KCNQ1: variants seen among roughly 807,000 people sequenced by gnomAD.
KCNQ1 encodes potassium voltage-gated channel subfamily Q member 1.
KCNQ1 carries 49 observed loss-of-function variants against 72.4 expected under a neutral mutation model. That is an observed-to-expected ratio of 0.68 (90% CI 0.54 to 0.86). The LOEUF is 0.86. Ranked by LOEUF, KCNQ1 falls within the 40% of genes least tolerant of loss-of-function variation. The pLI is 0.00. For synonymous variants in KCNQ1, 450 were observed against 412.6 expected (o/e 1.09, Z -1.10); for missense variants, 790 against 945.1 (o/e 0.84, Z 2.15).
chr11:2,530,809 T>G (rs374541615), intron 2 of KCNQ1, among the ~76,000 whole-genome samples: 7 of 152,176 alleles, frequency 4.6e-5, no homozygotes, highest in Non-Finnish European at 1.0e-4. Flanking sequence ...TGCATGGCTG[T>G]GTTGTGTGTA....
chr11:2,777,679 T>C (rs996074103), intron 14 of KCNQ1: 7 of 597,134 alleles, frequency 1.2e-5, no homozygotes, highest in Non-Finnish European at 1.8e-5. Flanking sequence ...TGGAATGGCA[T>C]GGGCTTGCAC....
Position 2,541,363 on chromosome 11 carries a change from G to A in KCNQ1, c.477+13345G>A, listed in dbSNP as rs535649421. ...TGGGGAACCTGGGGGAAGGGCGGGC[G>A]TCTTTATTTCATTTTAGCTTTCTTT... is the stretch of plus-strand genomic sequence containing the variant. On this transcript the variant is annotated intron_variant, in intron 2 of 15. Transcript: ENST00000155840. This position sits in a 1 kb window ranked among gnomAD's most constrained non-coding sequence, Gnocchi z 4.8. Among the ~76,000 whole-genome samples the A allele has an allele frequency of 2.0e-5, 3 of 152,306 alleles. No homozygotes were observed. The highest frequency in any genetic ancestry group is 2.1e-4 in the South Asian group (1 of 4,826).
chr11:2,555,974 C>G (rs1314595275), intron 2 of KCNQ1, among the ~76,000 whole-genome samples: 1 of 152,208 alleles, frequency 6.6e-6, no homozygotes, highest in African/African-American at 2.4e-5. Flanking sequence ...TCTGGCCTGG[C>G]CTTGCTGATG....
At chr11:2,714,738 G>A (rs936647146) in intron 11 of KCNQ1, among the ~76,000 whole-genome samples, 5 of 152,170 alleles carry the variant, frequency 3.3e-5, no homozygotes, top group East Asian at 1.9e-4. Flanking sequence ...CCTTGGGGCC[G>A]GGGTGGTAGG....
chr11:2,756,950 TTAAA>T (rs1846309761), intron 11 of KCNQ1, among the ~76,000 whole-genome samples: 1 of 32,112 alleles, frequency 3.1e-5, no homozygotes. Flanking sequence ...CAAGAGCATC[TTAAA>T]AAAAAAAAAA....
Position 2,715,952 on chromosome 11 carries a change from C to G in KCNQ1, c.1515-52892C>G, listed in dbSNP as rs1483756290. On this transcript the variant is annotated intron_variant, in intron 11 of 15. Transcript: ENST00000155840. This position sits in a 1 kb window ranked among gnomAD's most constrained non-coding sequence, Gnocchi z 4.9. ...GTGATGCAAACCATAAACCTGTCCC[C>G]CACGTCACCTCCAAACCCTTTGGGC... Among the ~76,000 whole-genome samples the G allele has an allele frequency of 1.3e-5, 2 of 151,874 alleles. No homozygotes were observed. Among genetic ancestry groups the G allele is most frequent in the Non-Finnish European group, 2.9e-5 (2 of 68,030 alleles).
intron 11 of KCNQ1, among the ~76,000 whole-genome samples, chr11:2,700,219 C>T (rs977262341): frequency 2.6e-5 from 4 of 151,976 alleles, no homozygotes; most frequent in African/African-American, 4.8e-5. Flanking sequence ...CCGCATGAGG[C>T]ACTGGCTGGG....
chr11:2,708,064 A>G (rs79219477), intron 11 of KCNQ1, among the ~76,000 whole-genome samples: 2,153 of 152,316 alleles, frequency 0.014, 49 homozygotes, highest in African/African-American at 0.049. Flanking sequence ...CTGTTTCCCA[A>G]GATTTCCCAA....
Position 2,682,547 on chromosome 11 carries a change from G to C in KCNQ1, c.1514+20466G>C. 1 of 398,540 alleles carries C rather than the reference G, an allele frequency of 2.5e-6. No individual in the cohort carries two copies. Among genetic ancestry groups the C allele is most frequent in the East Asian group, 3.6e-5 (1 of 28,058 alleles). 24.7% of individuals were successfully genotyped at this position (398,540 alleles called of 1,614,324 possible). On this transcript the variant is annotated intron_variant, in intron 11 of 15. Transcript: ENST00000155840. The surrounding 1 kb of genome is among the most constrained non-coding windows in gnomAD (Gnocchi z 5.8). ...CAAACCAGGTGCTAGGACCCTGGCA[G>C]GGGTTCCATAAGGCTATGCTGGGGT...
chr11:2,477,378 G>A lies in KCNQ1; in HGVS notation c.386+31894G>A, dbSNP rs1282563396. Reference sequence around the variant, plus strand: ...TCTGGAAAAGCCTCCAGCCCACGGTGACCTAGGTTCTTCCCACCATTGAAT... The same window carrying A: ...TCTGGAAAAGCCTCCAGCCCACGGTAACCTAGGTTCTTCCCACCATTGAAT... On this transcript the variant is annotated intron_variant, in intron 1 of 15. Transcript: ENST00000155840. This position sits in a 1 kb window ranked among gnomAD's most constrained non-coding sequence, Gnocchi z 5.0. Among the ~76,000 whole-genome samples the A allele has an allele frequency of 6.6e-6, 1 of 152,220 alleles. No individual in the cohort carries two copies.
intron 1 of KCNQ1, among the ~76,000 whole-genome samples, chr11:2,474,095 T>G (rs1191446837): frequency 6.8e-6 from 1 of 147,386 alleles, no homozygotes; most frequent in African/African-American, 2.6e-5. Flanking sequence ...TGTGGAGTGG[T>G]TTTTTGTCTT....
chr11:2,819,547 G>T (rs1431454341), intron 15 of KCNQ1, among the ~76,000 whole-genome samples: 1 of 152,230 alleles, frequency 6.6e-6, no homozygotes, highest in African/African-American at 2.4e-5. Context: ...TCCAGCTGCT[G>T]ATGCATTTTT....
rs370075215 is a variant in KCNQ1, at chr11:2,752,759, G to A, written c.1515-16085G>A. Among the ~76,000 whole-genome samples, 1 of 152,326 alleles carries A rather than the reference G, an allele frequency of 6.6e-6. No homozygotes were observed. The highest frequency in any genetic ancestry group is 1.9e-4 in the East Asian group (1 of 5,184). ...GGGCTGCGGGTTAGCTTTCGACATA[G>A]GGACTTTGGGAAGACACACACATTC... On this transcript the variant is annotated intron_variant, in intron 11 of 15. Transcript: ENST00000155840. This position sits in a 1 kb window ranked among gnomAD's most constrained non-coding sequence, Gnocchi z 5.2.
chr11:2,582,661 G>A (rs988215517), intron 6 of KCNQ1, among the ~76,000 whole-genome samples: 1 of 152,216 alleles, frequency 6.6e-6, no homozygotes, highest in African/African-American at 2.4e-5. Flanking sequence ...GAGCCTGTGT[G>A]TCCACAGGGT....
At chr11:2,798,079 G>C (rs1466792451) in intron 15 of KCNQ1, among the ~76,000 whole-genome samples, 3 of 152,128 alleles carry the variant, frequency 2.0e-5, no homozygotes, top group Non-Finnish European at 2.9e-5. Flanking sequence ...CTTGAGTTAG[G>C]GGTGTCTCTC....
In KCNQ1 at chr11:2,489,426, G is replaced by A. The variant is rs772788877; in HGVS notation, c.387-38502G>A. On this transcript the variant is annotated intron_variant, in intron 1 of 15. Coordinates refer to ENST00000155840, the MANE Select transcript of KCNQ1 (RefSeq NM_000218.3). ...GAGTTCCAGAAAACCTTGCCACCACGGGCTAAAGTGCTCTGGGGTTCTAAA... is the reference window on the plus strand; with the variant it reads ...GAGTTCCAGAAAACCTTGCCACCACAGGCTAAAGTGCTCTGGGGTTCTAAA... 5.3e-5 allele frequency among the ~76,000 whole-genome samples: 8 copies of A among 152,110 alleles called. 1 individual carries two copies. The highest frequency in any genetic ancestry group is 4.1e-4 in the South Asian group (2 of 4,826).
intron 8 of KCNQ1, among the ~76,000 whole-genome samples, chr11:2,587,286 G>C (rs1174160056): frequency 6.6e-6 from 1 of 152,196 alleles, no homozygotes; most frequent in Non-Finnish European, 1.5e-5. Context: ...TTGGCTCAAG[G>C]CTGGCTCAGG....
chr11:2,615,939 T>G (rs1480041068), intron 10 of KCNQ1: 1 of 398,078 alleles, frequency 2.5e-6, no homozygotes, highest in Non-Finnish European at 4.4e-6. Context: ...GGGATTGGTG[T>G]GAATTCTTCA....
chr11:2,489,541 G>GT (rs76967233), intron 1 of KCNQ1, among the ~76,000 whole-genome samples: 4,209 of 152,162 alleles, frequency 0.028, 178 homozygotes, highest in African/African-American at 0.091. Context: ...GGATGTGGGG[G>GT]GCACACAACC....
Sources: allele counts gnomAD v4.1 joint callset (sites outside exome capture counted in the v4.1 genomes callset), GRCh38; gene constraint gnomAD v4.1.1; non-coding constraint Gnocchi (gnomAD v3.1); transcripts MANE v1.5; gene names NCBI Gene and HGNC (gene_info 2026-07-23, HGNC 2026-07-21).